Variants in GALNT2 observed in about 807,000 individuals in gnomAD.
The protein encoded by GALNT2 is UDP-GalNAc:polypeptide N-acetylgalactosaminyltransferase 2.
A neutral mutation model predicts 81.4 loss-of-function variants in GALNT2; 31 were observed. The ratio of observed to expected loss-of-function variants is 0.38; its 90% CI spans 0.29 to 0.51. The LOEUF (loss-of-function observed/expected upper bound fraction) is 0.51. GALNT2 is among the 20% of genes least tolerant of loss of function. The pLI, the probability that GALNT2 is intolerant of heterozygous loss-of-function variation, is 0.87. For missense variants in GALNT2, 629 were observed against 765.7 expected (o/e 0.82, Z 2.11); for synonymous variants, 303 against 287.4 (o/e 1.05, Z -0.55).
chr1:230,211,054 C>G (rs998711398), intron 3 of GALNT2, among the ~76,000 whole-genome samples: 1 of 152,240 alleles, frequency 6.6e-6, no homozygotes, highest in African/African-American at 2.4e-5. Context: ...GAAATCCACA[C>G]AGCTCCCCAG....
At chr1:230,159,280 A>G (rs1171138549) in intron 1 of GALNT2, among the ~76,000 whole-genome samples, 1 of 152,218 alleles carries the variant, frequency 6.6e-6, no homozygotes, top group Non-Finnish European at 1.5e-5. Context: ...TTTAATGCCC[A>G]TGATATCTCA....
chr1:230,129,533 T>A (rs1661301140), intron 1 of GALNT2, among the ~76,000 whole-genome samples: 1 of 152,138 alleles, frequency 6.6e-6, no homozygotes. Context: ...TTGCCCAGGC[T>A]GGTCTTGAGC....
At chr1:230,066,938 G>A (rs978845783), upstream of GALNT2, among the ~76,000 whole-genome samples, 5 of 150,666 alleles carry the variant, frequency 3.3e-5, no homozygotes, top group African/African-American at 9.7e-5. Context: ...CCCTCACGGC[G>A]GAGCCCGGCG....
At position 230,243,190 on chromosome 1, in the gene GALNT2, C is replaced by T. The variant is rs759105292; in HGVS notation, c.608-116C>T. On this transcript the variant is annotated intron_variant, in intron 6 of 15. Transcript: ENST00000366672. This position sits in a 1 kb window ranked among gnomAD's most constrained non-coding sequence, Gnocchi z 4.2. ...CATCCAGCAAGTTTACAGTAATGTC[C>T]GTGCCCAGAAAGCAGGCTGCAGAGC... 68 of 1,348,558 alleles carry T rather than the reference C, an allele frequency of 5.0e-5. 1 individual carries two copies. Among genetic ancestry groups the T allele is most frequent in the Admixed American group, 1.7e-4 (7 of 40,772 alleles). 83.5% of individuals were successfully genotyped at this position (1,348,558 alleles called of 1,614,324 possible).
intron 3 of GALNT2, among the ~76,000 whole-genome samples, chr1:230,225,308 A>G (rs1664673408): frequency 6.6e-6 from 1 of 152,224 alleles, no homozygotes; most frequent in Non-Finnish European, 1.5e-5. Flanking sequence ...TGTAGACACC[A>G]TAGCAACACA....
intron 10 of GALNT2, among the ~76,000 whole-genome samples, chr1:230,254,237 C>A (rs916420480): frequency 1.3e-5 from 2 of 152,164 alleles, no homozygotes; most frequent in Non-Finnish European, 2.9e-5. Flanking sequence ...TTGGAAGGTA[C>A]CTGTGTGTCA....
chr1:230,139,359 T>C (rs1170060080), intron 1 of GALNT2, among the ~76,000 whole-genome samples: 1 of 152,170 alleles, frequency 6.6e-6, no homozygotes, highest in Non-Finnish European at 1.5e-5. Flanking sequence ...GAGAAGTTTA[T>C]CCCTCTCGGT....
rs1666370048 is a variant in GALNT2 at position 230,279,193 on chromosome 1, G to GT, written c.1561-109dup. On this transcript the variant is annotated intron_variant, in intron 15 of 15. Transcript: ENST00000366672. The surrounding 1 kb of genome is among the most constrained non-coding windows in gnomAD (Gnocchi z 4.6). ...GTTCAGATGAGAGGCTGGGAAAAACGTGTCTATCTGTGAGTTTTTAATGCA... is the reference window on the plus strand; with the variant it reads ...GTTCAGATGAGAGGCTGGGAAAAACGTTGTCTATCTGTGAGTTTTTAATGCA... 17 of 1,185,604 alleles carry GT rather than the reference G, an allele frequency of 1.4e-5. No individual in the cohort carries two copies. The highest frequency in any genetic ancestry group is 1.9e-5 in the Non-Finnish European group (16 of 856,042). 73.4% of individuals were successfully genotyped at this position (1,185,604 alleles called of 1,614,324 possible). A position where few individuals can be genotyped will look rare whatever the true frequency, so the allele number is the denominator to read the frequency against.
chr1:230,191,693 T>C (rs919322849), intron 2 of GALNT2, among the ~76,000 whole-genome samples: 2 of 152,214 alleles, frequency 1.3e-5, no homozygotes, highest in African/African-American at 4.8e-5. Flanking sequence ...TAAAATTTTT[T>C]GCAGAGACAG....
At chr1:230,266,021 T>G (rs114739993) in intron 14 of GALNT2, among the ~76,000 whole-genome samples, 16,776 of 151,932 alleles carry the variant, frequency 0.11, 1,181 homozygotes, top group Non-Finnish European at 0.15. Flanking sequence ...GTGAAACCCA[T>G]CTCTGCTAAA....
intron 1 of GALNT2, among the ~76,000 whole-genome samples, chr1:230,158,741 G>C (rs1279663743): frequency 6.6e-6 from 1 of 152,194 alleles, no homozygotes; most frequent in Non-Finnish European, 1.5e-5. Flanking sequence ...TCTCCTTCTG[G>C]AAGCTCTTGC....
intron 3 of GALNT2, among the ~76,000 whole-genome samples, chr1:230,221,913 AT>A (rs1299021815): frequency 6.7e-6 from 1 of 148,184 alleles, no homozygotes; most frequent in African/African-American, 2.5e-5. Flanking sequence ...TAAACTTTTC[AT>A]TTTTTTCTTC....
At chr1:230,114,333 T>A (rs568335006) in intron 1 of GALNT2, among the ~76,000 whole-genome samples, 100 of 152,322 alleles carry the variant, frequency 6.6e-4, no homozygotes, top group African/African-American at 2.4e-3. Context: ...AAGTCAATTT[T>A]CCCTGGTGAA....
At chr1:230,181,918 T>C (rs1334551424) in intron 2 of GALNT2, among the ~76,000 whole-genome samples, 1 of 152,248 alleles carries the variant, frequency 6.6e-6, no homozygotes, top group Admixed American at 6.5e-5. Flanking sequence ...ATTTCTTTAA[T>C]AGATATGACC....
At chr1:230,267,494 C>A (rs1236402271) in intron 14 of GALNT2, among the ~76,000 whole-genome samples, 1 of 152,340 alleles carries the variant, frequency 6.6e-6, no homozygotes, top group Non-Finnish European at 1.5e-5. Context: ...CAGGGCCTGG[C>A]GTCTGTGTGT....
intron 2 of GALNT2, among the ~76,000 whole-genome samples, chr1:230,197,611 GTGTAGGACTTT>G (rs1314194566): frequency 1.3e-5 from 2 of 152,198 alleles, no homozygotes; most frequent in Non-Finnish European, 2.9e-5. Flanking sequence ...ATAGTTAGTA[GTGTAGGACTTT>G]TGCTGTGATC....
At chr1:230,145,583 T>C (rs1661890383) in intron 1 of GALNT2, among the ~76,000 whole-genome samples, 1 of 152,264 alleles carries the variant, frequency 6.6e-6, no homozygotes, top group African/African-American at 2.4e-5. Flanking sequence ...AGGTCGGGGC[T>C]TAGACATTTA....
intron 3 of GALNT2, among the ~76,000 whole-genome samples, chr1:230,203,877 T>G (rs1328173489): frequency 6.6e-6 from 1 of 152,232 alleles, no homozygotes; most frequent in East Asian, 1.9e-4. Context: ...CAGGTTGGAA[T>G]GCAGTGGTGC....
intron 1 of GALNT2, among the ~76,000 whole-genome samples, chr1:230,125,993 A>T (rs972949143): frequency 4.6e-5 from 7 of 152,240 alleles, no homozygotes; most frequent in South Asian, 2.1e-4. Context: ...GGCAGCACAC[A>T]GACAGGTAGT....
Sources: allele counts gnomAD v4.1 joint callset (sites outside exome capture counted in the v4.1 genomes callset), GRCh38; gene constraint gnomAD v4.1.1; non-coding constraint Gnocchi (gnomAD v3.1); transcripts MANE v1.5; gene names NCBI Gene and HGNC (gene_info 2026-07-23, HGNC 2026-07-21).